The following RALGPS2 variants were observed in gnomAD, a reference collection of about 807,000 sequenced individuals.
RALGPS2 encodes the protein Ral GEF with PH domain and SH3 binding motif 2.
RALGPS2 carries 43 observed loss-of-function variants against 86.8 expected under a neutral mutation model. That is an observed-to-expected ratio of 0.50 (90% CI 0.39 to 0.64). The LOEUF (loss-of-function observed/expected upper bound fraction) is 0.64, where lower values mean the gene tolerates loss of function less well. Among genes scored for constraint, RALGPS2 ranks in the 30% least tolerant of loss-of-function variants. The pLI is 0.00. For missense variants in RALGPS2, 536 were observed against 694.6 expected, an observed-to-expected ratio of 0.77 and a Z score of 2.57; for synonymous variants, 243 against 231.3, an observed-to-expected ratio of 1.05 and a Z score of -0.46.
Position 178,776,662 on chromosome 1 carries a change from A to C in RALGPS2, c.-83-20A>C. 1 of 727,400 alleles carries C rather than the reference A, an allele frequency of 1.4e-6. No homozygotes were observed. Among genetic ancestry groups the C allele is most frequent in the East Asian group, 3.3e-5 (1 of 30,420 alleles). 45.1% of individuals were successfully genotyped at this position (727,400 alleles called of 1,614,324 possible). A position where few individuals can be genotyped will look rare whatever the true frequency, so the allele number is the denominator to read the frequency against. ...GAACTTCGAGGAAGACATTTGCTTA[A>C]CTTTTTTTTTTTTTTACAGGAATAA... is the stretch of plus-strand genomic sequence containing the variant. On this transcript the variant is annotated intron_variant, in intron 1 of 19. Transcript: ENST00000367635.
At chr1:178,891,597 G>T (rs1290538345) in intron 14 of RALGPS2, among the ~76,000 whole-genome samples, 2 of 151,562 alleles carry the variant, frequency 1.3e-5, no homozygotes, top group African/African-American at 2.4e-5. Context: ...TTATGTGTCT[G>T]TTTTTATTTT....
intron 13 of RALGPS2, among the ~76,000 whole-genome samples, chr1:178,886,512 G>A (rs567800659): frequency 7.9e-5 from 12 of 152,300 alleles, no homozygotes; most frequent in African/African-American, 2.4e-4. Context: ...GCAGTGAAGC[G>A]TTTGTGAATT....
chr1:178,858,575 A>G (rs1657745248), intron 8 of RALGPS2, among the ~76,000 whole-genome samples: 2 of 152,194 alleles, frequency 1.3e-5, no homozygotes, highest in African/African-American at 4.8e-5. Context: ...AAAGCAGGCA[A>G]CTGGAATTCT....
intron 8 of RALGPS2, chr1:178,853,456 G>T: frequency 1.3e-6 from 1 of 771,532 alleles, no homozygotes; most frequent in Non-Finnish European, 1.8e-6. Context: ...TCATTTTTTT[G>T]ACAGATGTAG....
chr1:178,808,138 T>C lies in RALGPS2; in HGVS notation c.297+10T>C. ...AAGAAGATTCAATCATGTGAGTTTA[T>C]AAATTTTGATACTGTGTCTGAAATT... On this transcript the variant is annotated intron_variant, in intron 5 of 19. Transcript: ENST00000367635. The C allele has an allele frequency of 1.3e-6, 2 of 1,548,124 alleles. No individual in the cohort carries two copies. The highest frequency in any genetic ancestry group is 1.8e-6 in the Non-Finnish European group (2 of 1,121,784).
At chr1:178,831,495 A>G (rs1364185000) in intron 7 of RALGPS2, among the ~76,000 whole-genome samples, 1 of 152,062 alleles carries the variant, frequency 6.6e-6, no homozygotes, top group East Asian at 1.9e-4. Flanking sequence ...CTGGTCAGGA[A>G]CATCTAGAAT....
intron 8 of RALGPS2, among the ~76,000 whole-genome samples, chr1:178,872,641 G>A (rs771581394): frequency 6.6e-6 from 1 of 152,122 alleles, no homozygotes; most frequent in African/African-American, 2.4e-5. Context: ...ATTATGTATC[G>A]TTTCTTGAGC....
rs1647231621 is a variant in RALGPS2 at position 178,919,974 on chromosome 1, A to G, written c.*3615A>G. 6.6e-6 allele frequency: 1 copy of G among 152,028 alleles called. No individual in the cohort carries two copies. The highest frequency in any genetic ancestry group is 2.4e-5 in the African/African-American group (1 of 41,442). 9.4% of individuals were successfully genotyped at this position (152,028 alleles called of 1,614,324 possible). On this transcript the variant is annotated 3_prime_UTR_variant, in exon 20 of 20. Coordinates refer to ENST00000367635, the MANE Select transcript of RALGPS2 (RefSeq NM_152663.5). The stretch of plus-strand genomic sequence containing the variant: ...GAGTAATAGTACTGCTGTTGCATGA[A>G]TAGATGATACAAAGCAAGTGATGAG...
chr1:178,770,412 A>G (rs1652736281), intron 1 of RALGPS2, among the ~76,000 whole-genome samples: 1 of 152,026 alleles, frequency 6.6e-6, no homozygotes, highest in Non-Finnish European at 1.5e-5. Flanking sequence ...GGGGAAAAAG[A>G]TGCCACATTA....
intron 7 of RALGPS2, among the ~76,000 whole-genome samples, chr1:178,832,704 T>A (rs949144388): frequency 1.3e-5 from 2 of 151,910 alleles, no homozygotes; most frequent in African/African-American, 4.8e-5. Flanking sequence ...AAAAAAAAAT[T>A]TTCCAGTCTT....
In RALGPS2 at chr1:178,877,478, T is replaced by G; in HGVS notation, c.608-20T>G. On this transcript the variant is annotated intron_variant, in intron 8 of 19. Transcript: ENST00000367635. ...CAACCTACAACTAAGAAAACGTTCATTTATCTAATTGTATTTCAGGTATCT... is the reference window on the plus strand; with the variant it reads ...CAACCTACAACTAAGAAAACGTTCAGTTATCTAATTGTATTTCAGGTATCT... The G allele has an allele frequency of 1.9e-6, 3 of 1,611,292 alleles. No individual in the cohort carries two copies. In the Admixed American group the frequency reaches 5.0e-5, roughly 27 times the overall value.
chr1:178,843,764 A>G (rs982876914), intron 8 of RALGPS2, among the ~76,000 whole-genome samples: 1 of 152,156 alleles, frequency 6.6e-6, no homozygotes, highest in Non-Finnish European at 1.5e-5. Flanking sequence ...TTCTTCATAT[A>G]GTTCATCCCT....
intron 8 of RALGPS2, among the ~76,000 whole-genome samples, chr1:178,868,298 G>T (rs1204749631): frequency 6.6e-6 from 1 of 151,682 alleles, no homozygotes; most frequent in African/African-American, 2.4e-5. Context: ...AAAAACTAGG[G>T]ACAAGAAATA....
intron 8 of RALGPS2, among the ~76,000 whole-genome samples, chr1:178,843,574 AGTGCACCAACATG>A (rs1262519511): frequency 6.6e-6 from 1 of 150,786 alleles, no homozygotes; most frequent in Non-Finnish European, 1.5e-5. Flanking sequence ...TAGTGGGTGC[AGTGCACCAACATG>A]GCGCATGTAT....
chr1:178,872,533 T>C (rs1223385150), intron 8 of RALGPS2, among the ~76,000 whole-genome samples: 3 of 152,168 alleles, frequency 2.0e-5, no homozygotes, highest in African/African-American at 7.2e-5. Flanking sequence ...CTTCCCATTA[T>C]TCAGGAAAAA....
At chr1:178,900,856 T>A (rs1395811533) in intron 17 of RALGPS2, among the ~76,000 whole-genome samples, 1 of 152,058 alleles carries the variant, frequency 6.6e-6, no homozygotes, top group Non-Finnish European at 1.5e-5. Context: ...GCATTTGCAC[T>A]CTAGTTTCAT....
intron 6 of RALGPS2, among the ~76,000 whole-genome samples, 178 bp downstream of exon 6, chr1:178,811,582 T>C (rs1341067988): frequency 6.6e-6 from 1 of 152,200 alleles, no homozygotes. Flanking sequence ...TTATTCTTCC[T>C]GTTTTCCTAC....
chr1:178,878,794 T>G (rs1659106158), intron 9 of RALGPS2, 108 bp from the exon 10 acceptor site: 2 of 1,437,592 alleles, frequency 1.4e-6, no homozygotes. Context: ...TAATTTAAAT[T>G]TTGCTGCCAT....
At chr1:178,872,440 T>G (rs1658809361) in intron 8 of RALGPS2, among the ~76,000 whole-genome samples, 1 of 152,168 alleles carries the variant, frequency 6.6e-6, no homozygotes, top group Admixed American at 6.5e-5. Context: ...GTTGGCATCC[T>G]TTTGGTTAAT....
Sources: gnomAD v4.1 joint callset for allele counts (sites outside exome capture counted in the v4.1 genomes callset) on GRCh38, gnomAD v4.1.1 for gene constraint, MANE v1.5 for transcripts, NCBI Gene and HGNC (gene_info 2026-07-23, HGNC 2026-07-21) for gene names.